MAST4: variants seen among roughly 807,000 people sequenced by gnomAD.
MAST4 encodes the protein microtubule associated serine/threonine kinase family member 4, also known as microtubule-associated serine/threonine-protein kinase 4.
Under a neutral mutation model 162.7 loss-of-function variants are expected in MAST4, and 89 were observed. That is an observed-to-expected ratio of 0.55 (90% CI 0.46 to 0.65). The LOEUF (loss-of-function observed/expected upper bound fraction) is 0.65. Among genes scored for constraint, MAST4 ranks in the 30% least tolerant of loss-of-function variants. The probability of loss-of-function intolerance (pLI) is 0.00; values close to 1 mark genes in which losing one functional copy is unlikely to be tolerated. For missense variants in MAST4, 3,153 were observed against 3,374.0 expected (o/e 0.93, Z 1.62); for synonymous variants, 1,479 against 1,361.1 (o/e 1.09, Z -1.91).
chr5:67,040,271 G>C (rs956961426), intron 4 of MAST4, among the ~76,000 whole-genome samples: 2 of 151,812 alleles, frequency 1.3e-5, no homozygotes, highest in Admixed American at 1.3e-4. Context: ...AAAAACAATA[G>C]AACAAAAAAA....
chr5:66,957,822 G>A (rs186552945), intron 4 of MAST4, among the ~76,000 whole-genome samples: 88 of 152,280 alleles, frequency 5.8e-4, no homozygotes, highest in African/African-American at 1.7e-3. Flanking sequence ...TGGAGTGGAA[G>A]CAGCCCAGAG....
At chr5:66,869,756 T>C (rs574997137) in intron 3 of MAST4, among the ~76,000 whole-genome samples, 39 of 152,312 alleles carry the variant, frequency 2.6e-4, no homozygotes, top group African/African-American at 9.1e-4. Context: ...CCCTCCTCTG[T>C]TAAGAGATCT....
chr5:67,070,109 T>C (rs2150658129), intron 5 of MAST4, among the ~76,000 whole-genome samples: 1 of 152,266 alleles, frequency 6.6e-6, no homozygotes, highest in Non-Finnish European at 1.5e-5. Context: ...ATAGGTGAAT[T>C]GATTCACATT....
intron 1 of MAST4, among the ~76,000 whole-genome samples, chr5:66,746,267 C>T (rs558778985): frequency 6.6e-6 from 1 of 152,274 alleles, no homozygotes; most frequent in Non-Finnish European, 1.5e-5. Context: ...TTCTAAGAAT[C>T]CTGTCTTTGT....
At chr5:66,847,820 C>CA (rs777825639) in intron 3 of MAST4, among the ~76,000 whole-genome samples, 2,055 of 53,648 alleles carry the variant, frequency 0.038, 113 homozygotes, top group Middle Eastern at 0.097. Context: ...GACTCCTTCT[C>CA]AAAAAAAAAA....
chr5:66,975,800 C>A (rs1351890965), intron 4 of MAST4, among the ~76,000 whole-genome samples: 1 of 152,082 alleles, frequency 6.6e-6, no homozygotes, highest in Non-Finnish European at 1.5e-5. Context: ...TCAAGACCAG[C>A]CTGGCCAATA....
chr5:66,635,981 CAG>C (rs1227399113), intron 1 of MAST4, among the ~76,000 whole-genome samples: 2 of 92,456 alleles, frequency 2.2e-5, no homozygotes, highest in East Asian at 3.6e-4. Flanking sequence ...TTTTTCGAGA[CAG>C]AGTCTTGCTC....
chr5:66,948,217 G>T (rs1281251628), intron 4 of MAST4, among the ~76,000 whole-genome samples: 3 of 152,148 alleles, frequency 2.0e-5, no homozygotes, highest in Admixed American at 6.5e-5. Flanking sequence ...TTCCGAATTG[G>T]ATTACCTGTT....
intron 1 of MAST4, among the ~76,000 whole-genome samples, chr5:66,639,669 G>A (rs13184970): frequency 0.022 from 3,366 of 152,216 alleles, 72 homozygotes; most frequent in South Asian, 0.081. Context: ...ATATGTGTAT[G>A]TGGGATAAAT....
rs1348167386 is a variant in MAST4 at position 67,080,953 on chromosome 5, AATATATAATTGTATATATTATATAAT to A, written c.764-9179_764-9154del. Among the ~76,000 whole-genome samples, 221 of 137,028 alleles carry A rather than the reference AATATATAATTGTATATATTATATAAT, an allele frequency of 1.6e-3. 10 individuals carry two copies. The highest frequency in any genetic ancestry group is 4.7e-3 in the South Asian group (21 of 4,498). The allele number at this position is 137,028 out of a possible 152,430, so 89.9% of individuals were successfully genotyped here. A position where few individuals can be genotyped will look rare whatever the true frequency, so the allele number is the denominator to read the frequency against. ...TTTAATTATATATATTATATAATAT[AATATATAATTGTATATATTATATAAT>A]ATATATAATTGTATATATTATATAA... On this transcript the variant is annotated intron_variant, in intron 5 of 28. Transcript: ENST00000403625.
intron 2 of MAST4, among the ~76,000 whole-genome samples, chr5:66,765,139 C>T (rs781348730): frequency 6.6e-6 from 1 of 152,138 alleles, no homozygotes; most frequent in Admixed American, 6.5e-5. Flanking sequence ...TTTGGTTGCA[C>T]AGTAGGCTAC....
At chr5:66,621,032 C>T (rs763301142) in intron 1 of MAST4, among the ~76,000 whole-genome samples, 1 of 151,832 alleles carries the variant, frequency 6.6e-6, no homozygotes, top group Non-Finnish European at 1.5e-5. Flanking sequence ...CCTGAATTCT[C>T]TGAGCACCAG....
chr5:66,680,856 G>T (rs996213950), intron 1 of MAST4, among the ~76,000 whole-genome samples: 2 of 152,194 alleles, frequency 1.3e-5, no homozygotes, highest in African/African-American at 4.8e-5. Flanking sequence ...CAGAGGAGGA[G>T]TCACCTTGAC....
chr5:66,694,805 A>C (rs754995060), intron 1 of MAST4, among the ~76,000 whole-genome samples: 6 of 152,120 alleles, frequency 3.9e-5, no homozygotes, highest in Non-Finnish European at 7.3e-5. Flanking sequence ...GCTTTTTCTC[A>C]CATGTTTTTG....
chr5:67,064,210 C>T (rs1311637894), intron 5 of MAST4, among the ~76,000 whole-genome samples: 2 of 152,050 alleles, frequency 1.3e-5, no homozygotes, highest in East Asian at 3.9e-4. Context: ...TTTTAAGGTC[C>T]TGAGAGGACA....
At chr5:67,014,619 C>T (rs888074902) in intron 4 of MAST4, among the ~76,000 whole-genome samples, 8 of 152,186 alleles carry the variant, frequency 5.3e-5, no homozygotes, top group Non-Finnish European at 8.8e-5. Flanking sequence ...GAAGTTCAGG[C>T]AGGTTAGCCT....
rs556532478 is a variant in MAST4, at chr5:66,709,907, G to A, written c.364-49802G>A. 2.0e-5 allele frequency among the ~76,000 whole-genome samples: 3 copies of A among 152,262 alleles called. No homozygotes were observed. In the South Asian group the frequency reaches 6.2e-4, roughly 32 times the overall value. Reference sequence around the variant, plus strand: ...TCCACCCAAATTTGGTGCCATACAGGCAAGTGGGCTGTGAGCCATTCTAAT... The same window carrying A: ...TCCACCCAAATTTGGTGCCATACAGACAAGTGGGCTGTGAGCCATTCTAAT... On this transcript the variant is annotated intron_variant, in intron 1 of 28. Coordinates refer to ENST00000403625, the MANE Select transcript of MAST4 (RefSeq NM_001164664.2).
rs777825639 is a variant in MAST4, at chr5:66,847,820, CA to C, written c.643-52108del. ...TGGGTGCTGGAACAAGACTCCTTCT[CA>C]AAAAAAAAAAAAAAAAAAAAAAGAA... On this transcript the variant is annotated intron_variant, in intron 3 of 28. Coordinates refer to ENST00000403625, the MANE Select transcript of MAST4 (RefSeq NM_001164664.2). Among the ~76,000 whole-genome samples the C allele has an allele frequency of 1.6e-3, 86 of 54,142 alleles. 2 individuals carry two copies. The highest frequency in any genetic ancestry group is 2.9e-3 in the African/African-American group (33 of 11,488). The allele number at this position is 54,142 out of a possible 152,430, so 35.5% of individuals were successfully genotyped here.
intron 4 of MAST4, among the ~76,000 whole-genome samples, chr5:66,910,369 A>G (rs1048855582): frequency 1.3e-5 from 2 of 152,098 alleles, no homozygotes; most frequent in Admixed American, 1.3e-4. Context: ...CCCCAAATAT[A>G]TTCATTATCC....
Sources: gnomAD v4.1 joint callset for allele counts (sites outside exome capture counted in the v4.1 genomes callset) on GRCh38, gnomAD v4.1.1 for gene constraint, MANE v1.5 for transcripts, NCBI Gene and HGNC (gene_info 2026-07-23, HGNC 2026-07-21) for gene names.